The following BTG1 variants were observed in gnomAD, a reference collection of about 807,000 sequenced individuals.
BTG1 encodes the protein protein BTG1.
A neutral mutation model predicts 15.2 loss-of-function variants in BTG1; 2 were observed. The ratio of observed to expected loss-of-function variants is 0.13; its 90% CI spans 0.05 to 0.41. The LOEUF (loss-of-function observed/expected upper bound fraction) is 0.41, where lower values mean the gene tolerates loss of function less well. BTG1 is among the 10% of genes least tolerant of loss of function. The probability of loss-of-function intolerance (pLI) is 0.99; values close to 1 mark genes in which losing one functional copy is unlikely to be tolerated. For synonymous variants in BTG1, 109 were observed against 82.4 expected, an observed-to-expected ratio of 1.32 and a Z score of -1.75; for missense variants, 149 against 215.0, an observed-to-expected ratio of 0.69 and a Z score of 1.92.
At chr12:92,144,737 T>C (rs1354344364) in intron 1 of BTG1, among the ~76,000 whole-genome samples, 3 of 152,156 alleles carry the variant, frequency 2.0e-5, no homozygotes, top group Non-Finnish European at 4.4e-5. Context: ...CTGGCACCTA[T>C]GGCCAGGCGA....
Position 92,145,193 on chromosome 12 carries a change from G to A in BTG1, c.148+195C>T, listed in dbSNP as rs1325804742. On this transcript the variant is annotated intron_variant, in intron 1 of 1. Transcript: ENST00000256015. The stretch of plus-strand genomic sequence containing the variant: ...CGTTTTGCCAGCTGGGGGGAAGGGG[G>A]CGCCCTCCGTCCAGCCCCTAAAGCC... 55 of 769,304 alleles carry A rather than the reference G, an allele frequency of 7.1e-5. No homozygotes were observed. In the East Asian group the frequency reaches 1.9e-3, roughly 26 times the overall value. 47.7% of individuals were successfully genotyped at this position (769,304 alleles called of 1,614,324 possible).
rs1565852870 is a variant in BTG1, at chr12:92,140,730, G to GGCT, written c.*3349_*3350insAGC. 3 of 232,178 alleles carry GGCT rather than the reference G, an allele frequency of 1.3e-5. No homozygotes were observed. The highest frequency in any genetic ancestry group is 6.6e-5 in the African/African-American group (3 of 45,308). The allele number at this position is 232,178 out of a possible 1,614,324, so 14.4% of individuals were successfully genotyped here. ...TAGCAGCCATATATAAAAGTTCAGT[G>GGCT]GCAGAGACTGAGAGATAAGTCTAAA... On this transcript the variant is annotated 3_prime_UTR_variant, in exon 2 of 2. Transcript: ENST00000256015.
At position 92,145,628 on chromosome 12, in the gene BTG1, G is replaced by C; in HGVS notation, c.-93C>G. 1 of 929,952 alleles carries C rather than the reference G, an allele frequency of 1.1e-6. No homozygotes were observed. Among genetic ancestry groups the C allele is most frequent in the Non-Finnish European group, 1.4e-6 (1 of 701,974 alleles). 57.6% of individuals were successfully genotyped at this position (929,952 alleles called of 1,614,324 possible). ...CCACCCCGGGCTTCCTCACCGGGCG[G>C]AAGGCTGAGAGGAAGAGAGGGCGTG... On this transcript the variant is annotated 5_prime_UTR_variant, in exon 1 of 2. Transcript: ENST00000256015.
rs779449155 is a variant in BTG1, at chr12:92,143,118, AGATT to A, written c.*958_*961del. 8.6e-5 allele frequency: 20 copies of A among 232,912 alleles called. No individual in the cohort carries two copies. Among genetic ancestry groups the A allele is most frequent in the Middle Eastern group, 1.3e-3 (1 of 780 alleles). The allele number at this position is 232,912 out of a possible 1,614,324, so 14.4% of individuals were successfully genotyped here. On this transcript the variant is annotated 3_prime_UTR_variant, in exon 2 of 2. Coordinates refer to ENST00000256015, the MANE Select transcript of BTG1 (RefSeq NM_001731.3). ...GCTAAACCTCTATAATCATGACAAG[AGATT>A]GATTAAAATGCCAAGATAAGAAACG...
chr12:92,145,128 G>A, intron 1 of BTG1: 1 of 362,172 alleles, frequency 2.8e-6, no homozygotes. Flanking sequence ...CGCCTCGGTG[G>A]GCTTAAGTTT....
Position 92,143,984 on chromosome 12 carries a change from G to A in BTG1, c.*96C>T. 8 of 1,465,422 alleles carry A rather than the reference G, an allele frequency of 5.5e-6. No homozygotes were observed. The highest frequency in any genetic ancestry group is 1.2e-5 in the South Asian group (1 of 81,004). 90.8% of individuals were successfully genotyped at this position (1,465,422 alleles called of 1,614,324 possible). The stretch of plus-strand genomic sequence containing the variant: ...TGCCAGATCTTCACAGCTGTGACAT[G>A]GTTTAAATTCCATAATCCATCCCCA... On this transcript the variant is annotated 3_prime_UTR_variant, in exon 2 of 2. Coordinates refer to ENST00000256015, the MANE Select transcript of BTG1 (RefSeq NM_001731.3).
rs997100356 is a variant in BTG1 at position 92,143,481 on chromosome 12, G to A, written c.*599C>T. 8.6e-6 allele frequency: 2 copies of A among 233,874 alleles called. No homozygotes were observed. Among genetic ancestry groups the A allele is most frequent in the Non-Finnish European group, 1.7e-5 (2 of 118,264 alleles). 14.5% of individuals were successfully genotyped at this position (233,874 alleles called of 1,614,324 possible). On this transcript the variant is annotated 3_prime_UTR_variant, in exon 2 of 2. Transcript: ENST00000256015. ...TTTTTAAGGGTCTTTTTTAAAGCCTGTTGCCATGGCAGATTCTGGTCACTT... is the reference window on the plus strand; with the variant it reads ...TTTTTAAGGGTCTTTTTTAAAGCCTATTGCCATGGCAGATTCTGGTCACTT...
Position 92,144,461 on chromosome 12 carries a change from G to A in BTG1, c.149-14C>T, listed in dbSNP as rs773270575. ...GTTTATAATGTTCTATAGAAGAAAAGAAGAACAGAGAAACAACGCTTAGGA... is the reference window on the plus strand; with the variant it reads ...GTTTATAATGTTCTATAGAAGAAAAAAAGAACAGAGAAACAACGCTTAGGA... On this transcript the variant is annotated splice_polypyrimidine_tract_variant and intron_variant, in intron 1 of 1. Transcript: ENST00000256015. 8.7e-6 allele frequency: 14 copies of A among 1,610,110 alleles called. No individual in the cohort carries two copies. Among genetic ancestry groups the A allele is most frequent in the Admixed American group, 1.7e-5 (1 of 58,520 alleles).
intron 1 of BTG1, 143 bp from the exon 2 acceptor site, chr12:92,144,590 G>C: frequency 8.9e-7 from 1 of 1,122,442 alleles, no homozygotes. Flanking sequence ...CCGTTGTTGT[G>C]CATGTGCGGG....
At position 92,140,404 on chromosome 12, in the gene BTG1, T is replaced by C. The variant is rs1024814552; in HGVS notation, c.*3676A>G. The C allele has an allele frequency of 3.1e-5, 7 of 223,012 alleles. No homozygotes were observed. The highest frequency in any genetic ancestry group is 5.4e-5 in the Non-Finnish European group (6 of 111,786). The allele number at this position is 223,012 out of a possible 1,614,324, so 13.8% of individuals were successfully genotyped here. A position where few individuals can be genotyped will look rare whatever the true frequency, so the allele number is the denominator to read the frequency against. On this transcript the variant is annotated 3_prime_UTR_variant, in exon 2 of 2. Coordinates refer to ENST00000256015, the MANE Select transcript of BTG1 (RefSeq NM_001731.3). The stretch of plus-strand genomic sequence containing the variant: ...ACTCCACAAAGTGTTGAGGAAATGG[T>C]ATCAATCCTCAGGATTAATACAATC...
intron 1 of BTG1, 118 bp from the exon 2 acceptor site, chr12:92,144,565 T>A (rs1447273083): frequency 7.5e-7 from 1 of 1,339,574 alleles, no homozygotes; most frequent in Non-Finnish European, 1.0e-6. Flanking sequence ...CTTTTTAAAA[T>A]GTCCAGGATT....
In BTG1 at chr12:92,143,644, T is replaced by TA. The variant is rs1870394608; in HGVS notation, c.*435dup. 3.9e-6 allele frequency: 1 copy of TA among 254,874 alleles called. No individual in the cohort carries two copies. The highest frequency in any genetic ancestry group is 7.6e-6 in the Non-Finnish European group (1 of 132,246). 15.8% of individuals were successfully genotyped at this position (254,874 alleles called of 1,614,324 possible). A position where few individuals can be genotyped will look rare whatever the true frequency, so the allele number is the denominator to read the frequency against. Reference sequence around the variant, plus strand: ...GTAAAATTTCCAGTACTACCATGTTTAAAACGTTTAACTTTCCTATTAAAA... The same window carrying TA: ...GTAAAATTTCCAGTACTACCATGTTTAAAAACGTTTAACTTTCCTATTAAAA... On this transcript the variant is annotated 3_prime_UTR_variant, in exon 2 of 2. Transcript: ENST00000256015.
Position 92,142,048 on chromosome 12 carries a change from A to G in BTG1, c.*2032T>C, listed in dbSNP as rs923058378. 8.6e-6 allele frequency: 2 copies of G among 231,952 alleles called. No individual in the cohort carries two copies. The highest frequency in any genetic ancestry group is 4.4e-5 in the African/African-American group (2 of 45,280). The allele number at this position is 231,952 out of a possible 1,614,324, so 14.4% of individuals were successfully genotyped here. A position where few individuals can be genotyped will look rare whatever the true frequency, so the allele number is the denominator to read the frequency against. On this transcript the variant is annotated 3_prime_UTR_variant, in exon 2 of 2. Transcript: ENST00000256015. ...ATTGTAATTCAAGTTTGAAATACCG[A>G]GGAGCTTTTTCACAGAATAGGTTTA... is the stretch of plus-strand genomic sequence containing the variant.
chr12:92,144,350 C>T lies in BTG1; in HGVS notation c.246G>A (p.Gln82=), dbSNP rs745928138. ...TGCTCAGTCCAATCCGCTGTGCTGC[C>T]TGTCCAATCAGAGGATCCATTTTAT... ...INHKMDPLIG[Q]AAQRIGLSSQ... is the part of the protein sequence containing the mutation. The change falls in exon 2 of 2, where the codon CAG becomes CAA. Residue 82 remains glutamine, a synonymous_variant. Coordinates refer to ENST00000256015, the MANE Select transcript of BTG1 (RefSeq NM_001731.3). 6 of 1,614,246 alleles carry T rather than the reference C, an allele frequency of 3.7e-6. No homozygotes were observed. Among genetic ancestry groups the T allele is most frequent in the Non-Finnish European group, 5.1e-6 (6 of 1,180,040 alleles).
At chr12:92,144,559 T>C in intron 1 of BTG1, 112 bp from the exon 2 acceptor site, 1 of 1,417,976 alleles carries the variant, frequency 7.1e-7, no homozygotes, top group Non-Finnish European at 9.6e-7. Context: ...TATCAACTTT[T>C]TAAAATGTCC....
chr12:92,144,342 T>G lies in BTG1; in HGVS notation c.254A>C (p.Gln85Pro). Reference sequence around the variant, plus strand: ...CTCCTGACTGCTCAGTCCAATCCGCTGTGCTGCCTGTCCAATCAGAGGATC... The same window carrying G: ...CTCCTGACTGCTCAGTCCAATCCGCGGTGCTGCCTGTCCAATCAGAGGATC... ...KMDPLIGQAA[Q>P]RIGLSSQELF... The change falls in exon 2 of 2, where the codon CAG (glutamine) becomes CCG (proline). Residue 85 changes from glutamine (Q) to proline (P), a missense_variant. Coordinates refer to ENST00000256015, the MANE Select transcript of BTG1 (RefSeq NM_001731.3). 1.2e-6 allele frequency: 2 copies of G among 1,614,236 alleles called. No homozygotes were observed. Among genetic ancestry groups the G allele is most frequent in the East Asian group, 2.2e-5 (1 of 44,890 alleles).
chr12:92,144,107 G>C lies in BTG1; in HGVS notation c.489C>G (p.Asn163Lys). The change falls in exon 2 of 2, where the codon AAC becomes AAG. Residue 163 changes from asparagine to lysine, a missense_variant. Physicochemically the swap from Asn to Lys is moderately conservative, Grantham distance 94. Around this residue, in one of 3 missense-constraint regions of BTG1, gnomAD observed 52 missense variants for 57.4 expected, o/e 0.91. Transcript: ENST00000256015. ...AACCTGATACAGTCATCATATTGTA[G>C]TTTTTGGAAGGGCTCGTTCTGCCCA... ...LLLGRTSPSK[N>K]YNMMTVSG 1 of 1,612,968 alleles carries C rather than the reference G, an allele frequency of 6.2e-7. No individual in the cohort carries two copies. Among genetic ancestry groups the C allele is most frequent in the Non-Finnish European group, 8.5e-7 (1 of 1,179,924 alleles).
Position 92,141,143 on chromosome 12 carries a change from T to G in BTG1, c.*2937A>C. The G allele has an allele frequency of 4.3e-6, 1 of 232,752 alleles. No individual in the cohort carries two copies. The highest frequency in any genetic ancestry group is 8.5e-6 in the Non-Finnish European group (1 of 117,730). The allele number at this position is 232,752 out of a possible 1,614,324, so 14.4% of individuals were successfully genotyped here. A position where few individuals can be genotyped will look rare whatever the true frequency, so the allele number is the denominator to read the frequency against. On this transcript the variant is annotated 3_prime_UTR_variant, in exon 2 of 2. Coordinates refer to ENST00000256015, the MANE Select transcript of BTG1 (RefSeq NM_001731.3). ...GAATACGGCTTCCTTCCTTTTAACT[T>G]GAAGGCCAATTTCATAAACTGCAAC...
rs1870373589 is a variant in BTG1 at position 92,143,353 on chromosome 12, C to T, written c.*727G>A. 1 of 232,926 alleles carries T rather than the reference C, an allele frequency of 4.3e-6. No individual in the cohort carries two copies. Among genetic ancestry groups the T allele is most frequent in the South Asian group, 1.8e-4 (1 of 5,518 alleles). The allele number at this position is 232,926 out of a possible 1,614,324, so 14.4% of individuals were successfully genotyped here. A position where few individuals can be genotyped will look rare whatever the true frequency, so the allele number is the denominator to read the frequency against. ...GTACAAGGAAAGTTACAAACCAGAC[C>T]TCCACTTTCTAAAAATAAGAAGTTT... On this transcript the variant is annotated 3_prime_UTR_variant, in exon 2 of 2. Coordinates refer to ENST00000256015, the MANE Select transcript of BTG1 (RefSeq NM_001731.3).
Sources: gnomAD v4.1 joint callset for allele counts (sites outside exome capture counted in the v4.1 genomes callset) on GRCh38, gnomAD v4.1.1 for gene constraint, gnomAD v4.1.1 regional missense constraint, MANE v1.5 for transcripts, NCBI Gene and HGNC (gene_info 2026-07-23, HGNC 2026-07-21) for gene names.